ANKRD42: variants seen among roughly 807,000 people sequenced by gnomAD.
The protein encoded by ANKRD42 is ankyrin repeat domain 42, also known as ankyrin repeat domain-containing protein 42.
Under a neutral mutation model 51.5 loss-of-function variants are expected in ANKRD42, and 43 were observed. That is an observed-to-expected ratio of 0.83 (90% CI 0.65 to 1.08). ANKRD42 has a LOEUF of 1.08. Among genes scored for constraint, ANKRD42 ranks in the 50% least tolerant of loss-of-function variants. The probability of loss-of-function intolerance (pLI) is 0.00; values close to 1 mark genes in which losing one functional copy is unlikely to be tolerated. For synonymous variants in ANKRD42, 203 were observed against 213.0 expected, an observed-to-expected ratio of 0.95 and a Z score of 0.41; for missense variants, 608 against 629.3, an observed-to-expected ratio of 0.97 and a Z score of 0.36.
chr11:83,209,938 CTG>C (rs1862241501), intron 3 of ANKRD42: 2 of 379,742 alleles, frequency 5.3e-6, no homozygotes, highest in Non-Finnish European at 9.6e-6. Context: ...GAGTTTGAGA[CTG>C]TGGCTGTTAC....
downstream of ANKRD42, among the ~76,000 whole-genome samples, chr11:83,256,342 A>T (rs979408750): frequency 1.3e-5 from 2 of 152,132 alleles, no homozygotes; most frequent in Non-Finnish European, 2.9e-5. Context: ...TCTAGTGTGG[A>T]TATGTTTAAA....
At chr11:83,213,320 A>G in intron 5 of ANKRD42, 1 of 1,585,656 alleles carries the variant, frequency 6.3e-7, no homozygotes, top group South Asian at 1.1e-5. Flanking sequence ...AAGAACTGCA[A>G]AGCCATCGTG....
intron 11 of ANKRD42, among the ~76,000 whole-genome samples, chr11:83,255,011 C>T (rs1035149460): frequency 6.6e-6 from 1 of 152,206 alleles, no homozygotes; most frequent in Non-Finnish European, 1.5e-5. Flanking sequence ...TGGCAGCTTA[C>T]TTACGTGTTC....
intron 7 of ANKRD42, among the ~76,000 whole-genome samples, chr11:83,233,019 C>T (rs1385920523): frequency 6.6e-6 from 1 of 152,102 alleles, no homozygotes; most frequent in African/African-American, 2.4e-5. Context: ...GAATATTCAT[C>T]AGAGATATTG....
At chr11:83,232,219 A>T (rs947914419) in intron 7 of ANKRD42, among the ~76,000 whole-genome samples, 1 of 151,570 alleles carries the variant, frequency 6.6e-6, no homozygotes, top group African/African-American at 2.4e-5. Flanking sequence ...TGATTCTTCC[A>T]GTCTATGAAC....
At chr11:83,257,230 C>A, downstream of ANKRD42, 1 of 438,932 alleles carries the variant, frequency 2.3e-6, no homozygotes, top group Non-Finnish European at 4.5e-6. Flanking sequence ...GAGATAGATG[C>A]AAGGGTCCAG....
In ANKRD42 at chr11:83,194,674, C is replaced by G; in HGVS notation, c.4C>G (p.Pro2Ala). The G allele has an allele frequency of 2.5e-6, 4 of 1,613,758 alleles. No homozygotes were observed. In the South Asian group the frequency reaches 3.3e-5, roughly 13 times the overall value. MPGVANSGPSTS... is the reference protein window; with the variant it reads MAGVANSGPSTS... ...CCAGAGTCGGAGGTGTTGCGCCATG[C>G]CCGGGGTGGCCAATTCAGGCCCCTC... The change falls in exon 1 of 11, where the codon CCC becomes GCC. Residue 2 changes from proline (P) to alanine (A), a missense_variant. Pro to Ala is a conservative substitution (Grantham distance 27). Transcript: ENST00000533342.
At chr11:83,216,178 T>C (rs1022821838) in intron 5 of ANKRD42, among the ~76,000 whole-genome samples, 5 of 152,360 alleles carry the variant, frequency 3.3e-5, no homozygotes, top group Non-Finnish European at 7.3e-5. Flanking sequence ...TTTAGTCTCA[T>C]ACTGGAGTTA....
At chr11:83,208,212 T>TG (rs1554992613) in intron 3 of ANKRD42, among the ~76,000 whole-genome samples, 28 of 150,714 alleles carry the variant, frequency 1.9e-4, no homozygotes, top group African/African-American at 6.5e-4. Context: ...GAGATGTCTG[T>TG]GGGAGGGGGG....
At position 83,248,144 on chromosome 11, in the gene ANKRD42, A is replaced by G; in HGVS notation, c.1524A>G (p.Pro508=). The G allele has an allele frequency of 1.3e-6, 2 of 1,541,794 alleles. No individual in the cohort carries two copies. Among genetic ancestry groups the G allele is most frequent in the Non-Finnish European group, 1.7e-6 (2 of 1,146,108 alleles). The change falls in exon 11 of 11, where the codon CCA becomes CCG. Residue 508 remains proline, a synonymous_variant. Transcript: ENST00000533342. ...TCAAGAAGTATATACAAGAGTGGCC[A>G]AGAGTACAAGCTTTGGGCTGGGGCT... ...IFLKKYIQEW[P]RVQALGWGSL...
At chr11:83,229,405 C>T (rs1862998970) in intron 7 of ANKRD42, among the ~76,000 whole-genome samples, 1 of 152,056 alleles carries the variant, frequency 6.6e-6, no homozygotes. Context: ...CATTTTATAG[C>T]CCCCATTTCA....
At chr11:83,230,592 C>CT (rs572529276) in intron 7 of ANKRD42, among the ~76,000 whole-genome samples, 3,843 of 146,014 alleles carry the variant, frequency 0.026, 141 homozygotes, top group African/African-American at 0.087. Context: ...AGATCTTATT[C>CT]TTTTTTTTTT....
At chr11:83,255,335 T>C (rs1372985866) in intron 11 of ANKRD42, among the ~76,000 whole-genome samples, 1 of 152,114 alleles carries the variant, frequency 6.6e-6, no homozygotes, top group East Asian at 1.9e-4. Context: ...TTAGAAACAG[T>C]GAGACCAGGA....
chr11:83,245,811 A>C (rs914338414), intron 10 of ANKRD42, among the ~76,000 whole-genome samples, 187 bp downstream of exon 10: 9 of 152,198 alleles, frequency 5.9e-5, no homozygotes, highest in African/African-American at 2.2e-4. Flanking sequence ...AATACACATA[A>C]AATTTACCAT....
chr11:83,247,928 T>A lies in ANKRD42; in HGVS notation c.1323-15T>A, dbSNP rs561908193. On this transcript the variant is annotated splice_polypyrimidine_tract_variant and intron_variant, in intron 10 of 10. Coordinates refer to ENST00000533342, the MANE Select transcript of ANKRD42 (RefSeq NM_001300975.2). ...ACATTGATGATTGATTTTTAAAAAA[T>A]TTTGTTTTTGATAGGACCATCAAAG... 3.2e-6 allele frequency: 5 copies of A among 1,575,464 alleles called. No individual in the cohort carries two copies. Among genetic ancestry groups the A allele is most frequent in the Non-Finnish European group, 1.7e-6 (2 of 1,165,052 alleles).
chr11:83,196,137 C>T (rs148313344), intron 1 of ANKRD42, among the ~76,000 whole-genome samples: 177 of 152,234 alleles, frequency 1.2e-3, no homozygotes, highest in African/African-American at 3.7e-3. Context: ...CCACCGCGCC[C>T]GGCCAATCAA....
intron 5 of ANKRD42, 86 bp downstream of exon 5, chr11:83,211,516 G>A (rs1862317257): frequency 4.9e-6 from 7 of 1,427,308 alleles, no homozygotes; most frequent in South Asian, 2.5e-5. Context: ...TAAACTGTTG[G>A]TTGAGCGTGG....
chr11:83,245,901 T>A (rs1345963229), intron 10 of ANKRD42, among the ~76,000 whole-genome samples: 1 of 152,232 alleles, frequency 6.6e-6, no homozygotes, highest in Non-Finnish European at 1.5e-5. Context: ...AGAACTCTCA[T>A]CTTGCAAAAC....
intron 2 of ANKRD42, among the ~76,000 whole-genome samples, chr11:83,199,174 G>A (rs927954953): frequency 6.6e-5 from 10 of 152,136 alleles, no homozygotes; most frequent in African/African-American, 2.2e-4. Flanking sequence ...CTTTAGTAGT[G>A]TCAGATTTTT....
Sources: gnomAD v4.1 joint callset for allele counts (sites outside exome capture counted in the v4.1 genomes callset) on GRCh38, gnomAD v4.1.1 for gene constraint, MANE v1.5 for transcripts, NCBI Gene and HGNC (gene_info 2026-07-23, HGNC 2026-07-21) for gene names.